The following TRPM4 variants were observed in gnomAD, a reference collection of about 807,000 sequenced individuals.
TRPM4 encodes calcium-activated non-selective cation channel 1.
TRPM4 carries 124 observed loss-of-function variants against 135.6 expected under a neutral mutation model. That is an observed-to-expected ratio of 0.91 (90% CI 0.79 to 1.06). TRPM4 has a LOEUF of 1.06. TRPM4 is among the 50% of genes least tolerant of loss of function. The pLI is 0.00. For synonymous variants in TRPM4, 745 were observed against 705.6 expected, an observed-to-expected ratio of 1.06 and a Z score of -0.88; for missense variants, 1,658 against 1,671.4, an observed-to-expected ratio of 0.99 and a Z score of 0.14.
At chr19:49,201,354 A>G (rs567765485) in intron 19 of TRPM4, among the ~76,000 whole-genome samples, 32 of 152,336 alleles carry the variant, frequency 2.1e-4, no homozygotes, top group African/African-American at 7.2e-4. Flanking sequence ...TGAGAAAGGT[A>G]AAAACACTTT....
At chr19:49,170,807 C>T (rs184970045) in intron 6 of TRPM4, among the ~76,000 whole-genome samples, 169 of 152,252 alleles carry the variant, frequency 1.1e-3, no homozygotes, top group African/African-American at 3.5e-3. Context: ...TCTGGCCAGG[C>T]GCGCTGGCTC....
At chr19:49,189,142 G>T in intron 14 of TRPM4, 51 bp downstream of exon 14, 1 of 1,611,986 alleles carries the variant, frequency 6.2e-7, no homozygotes, top group Non-Finnish European at 8.5e-7. Context: ...TGGACTCTGG[G>T]AAGTATGGGG....
chr19:49,211,373 G>A lies in TRPM4; in HGVS notation c.3640+104G>A, dbSNP rs1368212125. 5 of 1,584,978 alleles carry A rather than the reference G, an allele frequency of 3.2e-6. No individual in the cohort carries two copies. In the South Asian group the frequency reaches 4.4e-5, roughly 14 times the overall value. On this transcript the variant is annotated intron_variant, in intron 24 of 24. Transcript: ENST00000252826. The surrounding 1 kb of genome is among the most constrained non-coding windows in gnomAD (Gnocchi z 4.8). ...CCAGTGTCCCTGGGTCACTCTCTTG[G>A]TCTCCTTTGAGCCTTTTGTACTCTC...
chr19:49,197,401 TTTC>T (rs1175573488), intron 17 of TRPM4, among the ~76,000 whole-genome samples: 112 of 150,418 alleles, frequency 7.4e-4, no homozygotes, highest in African/African-American at 2.3e-3. Flanking sequence ...TTTCTTTTCC[TTTC>T]TTTTCTTTTT....
Position 49,171,328 on chromosome 19 carries a change from A to G in TRPM4, c.797-29A>G. ...TCTCCAGCAAAGGCTGATGGGAGGT[A>G]ATCAAGCCCCCTTCTCTTCTTGCCT... On this transcript the variant is annotated intron_variant, in intron 6 of 24. Coordinates refer to ENST00000252826, the MANE Select transcript of TRPM4 (RefSeq NM_017636.4). The surrounding 1 kb of genome is among the most constrained non-coding windows in gnomAD (Gnocchi z 4.7). 1 of 1,613,888 alleles carries G rather than the reference A, an allele frequency of 6.2e-7. No homozygotes were observed.
chr19:49,201,847 A>T (rs897060889), intron 19 of TRPM4, 117 bp from the exon 20 acceptor site: 10 of 1,063,930 alleles, frequency 9.4e-6, no homozygotes, highest in Admixed American at 3.4e-5. Flanking sequence ...TGATCCGGCC[A>T]TCTCAGCCTC....
chr19:49,203,853 C>T (rs541598955), intron 20 of TRPM4, among the ~76,000 whole-genome samples: 3 of 152,262 alleles, frequency 2.0e-5, no homozygotes, highest in South Asian at 2.1e-4. Flanking sequence ...TTGGGCCCAG[C>T]GTGGTGGCTC....
At chr19:49,199,744 C>T (rs1029079486) in intron 17 of TRPM4, among the ~76,000 whole-genome samples, 2 of 151,920 alleles carry the variant, frequency 1.3e-5, no homozygotes, top group African/African-American at 4.8e-5. Flanking sequence ...TTTTTTGAGC[C>T]TGCCTCGGCC....
In TRPM4 at chr19:49,166,069, C is replaced by G; in HGVS notation, c.121C>G (p.Arg41Gly). The G allele has an allele frequency of 2.5e-6, 4 of 1,600,216 alleles. No individual in the cohort carries two copies. The highest frequency in any genetic ancestry group is 3.4e-6 in the Non-Finnish European group (4 of 1,175,078). Reference protein sequence around the residue: ...GGTLCQCGRPRTAHPAVAMED... With the variant: ...GGTLCQCGRPGTAHPAVAMED... ...GACCTTGTGCCAGTGTGGGCGCCCCCGGACCGCCCACCCCGCAGTGGCCAT... is the reference window on the plus strand; with the variant it reads ...GACCTTGTGCCAGTGTGGGCGCCCCGGGACCGCCCACCCCGCAGTGGCCAT... Residue 41 changes from arginine to glycine, a missense_variant, in exon 3 of 25, where the codon CGG (arginine) becomes GGG (glycine). Arg to Gly is a moderately radical substitution (Grantham distance 125, BLOSUM62 -2). Transcript: ENST00000252826.
intron 4 of TRPM4, 65 bp downstream of exon 4, chr19:49,168,162 G>A (rs1258008624): frequency 1.3e-6 from 2 of 1,592,234 alleles, no homozygotes; most frequent in East Asian, 4.5e-5. Context: ...CCCCACGACT[G>A]TGGGTGGCCT....
intron 12 of TRPM4, 47 bp downstream of exon 12, chr19:49,183,259 GGATGCCAGTGTTCCCGAAAC>G (rs1968070192): frequency 2.5e-6 from 4 of 1,612,372 alleles, no homozygotes; most frequent in African/African-American, 2.7e-5. Flanking sequence ...TTAGGCCACT[GGATGCCAGTGTTCCCGAAAC>G]AATTACCATA....
Position 49,210,482 on chromosome 19 carries a change from C to T in TRPM4, c.3328+77C>T, listed in dbSNP as rs1969313396. 1.9e-6 allele frequency: 3 copies of T among 1,546,554 alleles called. No homozygotes were observed. The Admixed American group carries it at 5.2e-5, about 27-fold the overall frequency. Reference sequence around the variant, plus strand: ...GGAAGGCGAGGGGAAGGGGGCATGCCCCAAATGACTAACGGGCGTGGCTTA... The same window carrying T: ...GGAAGGCGAGGGGAAGGGGGCATGCTCCAAATGACTAACGGGCGTGGCTTA... On this transcript the variant is annotated intron_variant, in intron 21 of 24. Transcript: ENST00000252826. This position sits in a 1 kb window ranked among gnomAD's most constrained non-coding sequence, Gnocchi z 4.1.
Position 49,196,664 on chromosome 19 carries a change from C to A in TRPM4, c.2435C>A (p.Ser812Tyr). ...LVDFQPAPPG[S>Y]LELLLYFWAF... ...GATTTCCAGCCGGCGCCGCCCGGCTCCCTGGAGCTGCTGCTCTATTTCTGG... is the reference window on the plus strand; with the variant it reads ...GATTTCCAGCCGGCGCCGCCCGGCTACCTGGAGCTGCTGCTCTATTTCTGG... Residue 812 changes from serine to tyrosine, a missense_variant, in exon 17 of 25, where the codon TCC becomes TAC. Around this residue, in one of 3 missense-constraint regions of TRPM4, gnomAD observed 1,412 missense variants for 1,408.7 expected, o/e 1.00. Coordinates refer to ENST00000252826, the MANE Select transcript of TRPM4 (RefSeq NM_017636.4). 1 of 1,547,272 alleles carries A rather than the reference C, an allele frequency of 6.5e-7. No homozygotes were observed. The highest frequency in any genetic ancestry group is 2.4e-5 in the East Asian group (1 of 41,456).
In TRPM4 at chr19:49,196,734, A is replaced by T; in HGVS notation, c.2505A>T (p.Gly835=). The T allele has an allele frequency of 6.5e-7, 1 of 1,550,312 alleles. No homozygotes were observed. Among genetic ancestry groups the T allele is most frequent in the Non-Finnish European group, 8.7e-7 (1 of 1,154,440 alleles). The change falls in exon 17 of 25, where the codon GGA becomes GGT. Residue 835 remains glycine (G), a synonymous_variant. Coordinates refer to ENST00000252826, the MANE Select transcript of TRPM4 (RefSeq NM_017636.4). ...LCEELRQGLS[G]GGGSLASGGP... ...AGGAACTGCGCCAGGGCCTGAGCGGAGGCGGGGGCAGCCTCGCCAGCGGGG... is the reference window on the plus strand; with the variant it reads ...AGGAACTGCGCCAGGGCCTGAGCGGTGGCGGGGGCAGCCTCGCCAGCGGGG...
chr19:49,198,285 A>T (rs1349165540), intron 17 of TRPM4, among the ~76,000 whole-genome samples: 1 of 152,222 alleles, frequency 6.6e-6, no homozygotes, highest in Non-Finnish European at 1.5e-5. Flanking sequence ...TAGGATTGCC[A>T]GTGATATTTT....
intron 3 of TRPM4, among the ~76,000 whole-genome samples, chr19:49,166,914 T>TC (rs1967212944): frequency 8.6e-6 from 1 of 116,062 alleles, no homozygotes; most frequent in Non-Finnish European, 1.8e-5. Context: ...CTCTGTCTGT[T>TC]TCTCCGGGTC....
chr19:49,201,004 T>TC (rs201184026), intron 19 of TRPM4, among the ~76,000 whole-genome samples: 134 of 144,622 alleles, frequency 9.3e-4, no homozygotes, highest in African/African-American at 3.7e-3. Context: ...TTTTTTCTTT[T>TC]TTTTTTTCTT....
intron 9 of TRPM4, among the ~76,000 whole-genome samples, chr19:49,176,645 AG>A (rs1967706015): frequency 6.6e-6 from 1 of 152,202 alleles, no homozygotes; most frequent in African/African-American, 2.4e-5. Flanking sequence ...TGAGGTCAGG[AG>A]TTCGAGATCA....
At chr19:49,194,211 C>G (rs1425023656) in intron 16 of TRPM4, among the ~76,000 whole-genome samples, 1 of 151,716 alleles carries the variant, frequency 6.6e-6, no homozygotes, top group African/African-American at 2.4e-5. Flanking sequence ...TCTCCTGCTC[C>G]TCCTCCTCCT....
Sources: gnomAD v4.1 joint callset for allele counts (sites outside exome capture counted in the v4.1 genomes callset) on GRCh38, gnomAD v4.1.1 for gene constraint, gnomAD v4.1.1 regional missense constraint, Gnocchi (gnomAD v3.1) non-coding constraint, MANE v1.5 for transcripts, NCBI Gene and HGNC (gene_info 2026-07-23, HGNC 2026-07-21) for gene names.